Variants in INTS9 observed in about 807,000 individuals in gnomAD.
The protein encoded by INTS9 is integrator complex subunit 9, also known as protein related to CPSF subunits of 74 kDa.
A neutral mutation model predicts 79.7 loss-of-function variants in INTS9; 55 were observed. That is an observed-to-expected ratio of 0.69 (90% CI 0.56 to 0.86). The LOEUF is 0.86. Ranked by LOEUF, INTS9 falls within the 40% of genes least tolerant of loss-of-function variation. The pLI, the probability that INTS9 is intolerant of heterozygous loss-of-function variation, is 0.00. For synonymous variants in INTS9, 319 were observed against 325.2 expected (o/e 0.98, Z 0.20); for missense variants, 721 against 831.5 (o/e 0.87, Z 1.64).
At chr8:28,776,436 T>G (rs241201) in intron 13 of INTS9, among the ~76,000 whole-genome samples, 74,701 of 137,588 alleles carry the variant, frequency 0.54, 19,378 homozygotes, top group African/African-American at 0.56. Context: ...AGTTTTTTTT[T>G]TTTGTTTTTT....
chr8:28,835,249 C>A, intron 6 of INTS9, 43 bp downstream of exon 6: 1 of 1,359,122 alleles, frequency 7.4e-7, no homozygotes. Flanking sequence ...TGCAAAGCAC[C>A]TGGCTCTACA....
At chr8:28,818,398 T>C (rs1375175390) in intron 6 of INTS9, among the ~76,000 whole-genome samples, 1 of 151,144 alleles carries the variant, frequency 6.6e-6, no homozygotes, top group Non-Finnish European at 1.5e-5. Context: ...TTTCTGCATC[T>C]ATTGAGATAA....
Position 28,889,918 on chromosome 8 carries a change from C to G in INTS9, c.-36G>C. 11 of 1,594,662 alleles carry G rather than the reference C, an allele frequency of 6.9e-6. No individual in the cohort carries two copies. Among genetic ancestry groups the G allele is most frequent in the Non-Finnish European group, 9.5e-6 (11 of 1,163,228 alleles). ...TGGTGGTTCAATAGCAGTCACTGAA[C>G]TCCTCAAACCCAGGAAGCGTCTTCC... On this transcript the variant is annotated 5_prime_UTR_variant, in exon 1 of 17. Coordinates refer to ENST00000521022, the MANE Select transcript of INTS9 (RefSeq NM_018250.4).
In INTS9 at chr8:28,771,680, G is replaced by T. The variant is rs191772332; in HGVS notation, c.1564-600C>A. On this transcript the variant is annotated intron_variant, in intron 14 of 16. Coordinates refer to ENST00000521022, the MANE Select transcript of INTS9 (RefSeq NM_018250.4). Reference sequence around the variant, plus strand: ...GCCTGTTTCATGAAATAAGAAAACGGCCTATGGCGAGCGTGAAGCGGCCCT... The same window carrying T: ...GCCTGTTTCATGAAATAAGAAAACGTCCTATGGCGAGCGTGAAGCGGCCCT... Among the ~76,000 whole-genome samples, 649 of 152,326 alleles carry T rather than the reference G, an allele frequency of 4.3e-3. 4 individuals carry two copies. Among genetic ancestry groups the T allele is most frequent in the African/African-American group, 0.015 (617 of 41,578 alleles).
intron 10 of INTS9, among the ~76,000 whole-genome samples, chr8:28,789,183 C>G (rs1212778520): frequency 6.6e-6 from 1 of 152,150 alleles, no homozygotes; most frequent in Admixed American, 6.5e-5. Flanking sequence ...AATATAAGAG[C>G]TTGGTTCTAA....
At chr8:28,813,911 C>T (rs1260120439) in intron 6 of INTS9, among the ~76,000 whole-genome samples, 3 of 151,988 alleles carry the variant, frequency 2.0e-5, no homozygotes, top group Non-Finnish European at 2.9e-5. Flanking sequence ...CAGGCGCCCA[C>T]CACCATGCCC....
chr8:28,770,288 G>A (rs1343212268), intron 15 of INTS9, among the ~76,000 whole-genome samples: 1 of 152,210 alleles, frequency 6.6e-6, no homozygotes, highest in Non-Finnish European at 1.5e-5. Flanking sequence ...AAATTTTCAG[G>A]TGGTTCACTT....
chr8:28,775,826 T>C lies in INTS9; in HGVS notation c.1496A>G (p.Tyr499Cys), dbSNP rs767853863. 3 of 1,613,898 alleles carry C rather than the reference T, an allele frequency of 1.9e-6. No individual in the cohort carries two copies. The highest frequency in any genetic ancestry group is 2.5e-6 in the Non-Finnish European group (3 of 1,179,986). Residue 499 changes from tyrosine to cysteine, a missense_variant, in exon 14 of 17, where the codon TAT becomes TGT. By Grantham distance (194) the Tyr-to-Cys change is radical (BLOSUM62 -2). Coordinates refer to ENST00000521022, the MANE Select transcript of INTS9 (RefSeq NM_018250.4). ...MIDCQPPAMS[Y>C]RRAEVLALPF... Reference sequence around the variant, plus strand: ...CAGGGCGAGAACCTCAGCCCGCCGATAGGACATGGCGGGGGGCTGGCAGTC... The same window carrying C: ...CAGGGCGAGAACCTCAGCCCGCCGACAGGACATGGCGGGGGGCTGGCAGTC...
intron 11 of INTS9, chr8:28,783,473 TG>T (rs1346608957): frequency 6.6e-6 from 1 of 152,266 alleles, no homozygotes; most frequent in East Asian, 1.9e-4. Flanking sequence ...CAATGGCCTG[TG>T]ATAGGCTCAA....
intron 4 of INTS9, among the ~76,000 whole-genome samples, chr8:28,844,368 C>T: frequency 6.6e-6 from 1 of 151,762 alleles, no homozygotes; most frequent in Non-Finnish European, 1.5e-5. Flanking sequence ...AGGCAAAACC[C>T]CATCTCTACA....
chr8:28,812,457 A>G lies in INTS9; in HGVS notation c.614T>C (p.Leu205Pro). Reference protein sequence around the residue: ...QLVGYSQKIELFGAVQVTPLS... With the variant: ...QLVGYSQKIEPFGAVQVTPLS... ...AGGAGTCACCTGGACCGCACCAAAA[A>G]GCTCCTAAAAGAGAACCACAGTAAG... Residue 205 changes from leucine to proline, a missense_variant, in exon 8 of 17, where the codon CTT becomes CCT. Leu to Pro is a moderately conservative substitution (Grantham distance 98, BLOSUM62 -3). Transcript: ENST00000521022. 6.2e-7 allele frequency: 1 copy of G among 1,613,248 alleles called. No individual in the cohort carries two copies. Among genetic ancestry groups the G allele is most frequent in the Non-Finnish European group, 8.5e-7 (1 of 1,179,716 alleles).
At chr8:28,866,976 A>G (rs897719184) in intron 1 of INTS9, among the ~76,000 whole-genome samples, 1 of 149,778 alleles carries the variant, frequency 6.7e-6, no homozygotes, top group Non-Finnish European at 1.5e-5. Flanking sequence ...CTGTCAAAAA[A>G]GAAAAGAAAA....
chr8:28,786,101 A>G (rs1432483900), intron 11 of INTS9, among the ~76,000 whole-genome samples: 2 of 152,114 alleles, frequency 1.3e-5, no homozygotes, highest in East Asian at 1.9e-4. Flanking sequence ...AAATCATACC[A>G]TATCTACTCT....
intron 1 of INTS9, among the ~76,000 whole-genome samples, chr8:28,884,996 C>T (rs961128789): frequency 3.3e-5 from 5 of 152,206 alleles, no homozygotes; most frequent in African/African-American, 1.2e-4. Context: ...ATTTCTTAAA[C>T]TGACCTTGGG....
intron 9 of INTS9, among the ~76,000 whole-genome samples, chr8:28,795,526 G>A (rs972567062): frequency 6.6e-6 from 1 of 151,412 alleles, no homozygotes; most frequent in African/African-American, 2.4e-5. Flanking sequence ...TGTAGTCCCA[G>A]CTACTCGGGA....
At chr8:28,804,135 G>A (rs997756513) in intron 8 of INTS9, among the ~76,000 whole-genome samples, 2 of 152,042 alleles carry the variant, frequency 1.3e-5, no homozygotes, top group Non-Finnish European at 2.9e-5. Flanking sequence ...TATTGTCCAA[G>A]CTGGTCTTGA....
intron 1 of INTS9, among the ~76,000 whole-genome samples, chr8:28,874,391 G>A (rs1394008448): frequency 6.6e-6 from 1 of 151,506 alleles, no homozygotes; most frequent in Non-Finnish European, 1.5e-5. Context: ...CCAGGTTCAT[G>A]CCATTCTCCT....
intron 6 of INTS9, among the ~76,000 whole-genome samples, chr8:28,822,211 AGAG>A (rs1448673090): frequency 6.6e-6 from 1 of 152,238 alleles, no homozygotes; most frequent in Non-Finnish European, 1.5e-5. Flanking sequence ...GAGATGGAAA[AGAG>A]AAGAGAAAAA....
chr8:28,771,506 T>C (rs1802538232), intron 14 of INTS9, among the ~76,000 whole-genome samples: 1 of 152,206 alleles, frequency 6.6e-6, no homozygotes, highest in African/African-American at 2.4e-5. Context: ...TGCATGGTTT[T>C]TAAGACATGT....
Sources: gnomAD v4.1 joint callset for allele counts (sites outside exome capture counted in the v4.1 genomes callset) on GRCh38, gnomAD v4.1.1 for gene constraint, MANE v1.5 for transcripts, NCBI Gene and HGNC (gene_info 2026-07-23, HGNC 2026-07-21) for gene names.